NUDT19: variants seen among roughly 807,000 people sequenced by gnomAD.
NUDT19 encodes the protein acyl-coenzyme A diphosphatase NUDT19.
Under a neutral mutation model 22.2 loss-of-function variants are expected in NUDT19, and 31 were observed. That is an observed-to-expected ratio of 1.40 (90% CI 1.05 to 1.89). The LOEUF is 1.89. NUDT19 is among the 40% of genes most tolerant of loss of function. The pLI, the probability that NUDT19 is intolerant of heterozygous loss-of-function variation, is 0.00. For synonymous variants in NUDT19, 325 were observed against 230.8 expected, an observed-to-expected ratio of 1.41 and a Z score of -3.70; for missense variants, 752 against 514.2, an observed-to-expected ratio of 1.46 and a Z score of -4.47.
intron 1 of NUDT19, among the ~76,000 whole-genome samples, chr19:32,703,710 T>TGGAGTG (rs1968359031): frequency 7.8e-6 from 1 of 127,480 alleles, no homozygotes; most frequent in South Asian, 2.7e-4. Context: ...TCACCCAGGC[T>TGGAGTG]GGAGTGCAGT....
intron 1 of NUDT19, among the ~76,000 whole-genome samples, chr19:32,693,298 G>T (rs748279073): frequency 1.3e-5 from 2 of 152,158 alleles, no homozygotes; most frequent in South Asian, 2.1e-4. Flanking sequence ...GATTGAAGCC[G>T]CAGACCTTCG....
chr19:32,709,077 G>A (rs2082617894), intron 1 of NUDT19, 108 bp from the exon 2 acceptor site: 1 of 773,110 alleles, frequency 1.3e-6, no homozygotes, highest in African/African-American at 1.7e-5. Context: ...GCGCATTAAT[G>A]AATTCATTTT....
Position 32,692,134 on chromosome 19 carries a change from C to T in NUDT19, c.174C>T (p.Gly58=). The change falls in exon 1 of 3, where the codon GGC becomes GGT. Residue 58 remains glycine, a synonymous_variant. Transcript: ENST00000397061. ...CCCCGCACCAAGGCTTCATGCCGGG[C>T]GCGCACGTCTTCTCCGGCGGAGTGC... ...QRSPHQGFMP[G]AHVFSGGVLD... is the part of the protein sequence containing the mutation. 1.4e-6 allele frequency: 2 copies of T among 1,479,378 alleles called. No individual in the cohort carries two copies. The highest frequency in any genetic ancestry group is 1.8e-6 in the Non-Finnish European group (2 of 1,124,220). 91.6% of individuals were successfully genotyped at this position (1,479,378 alleles called of 1,614,324 possible).
intron 1 of NUDT19, among the ~76,000 whole-genome samples, chr19:32,704,667 T>C (rs1166719055): frequency 6.6e-6 from 1 of 152,232 alleles, no homozygotes; most frequent in Non-Finnish European, 1.5e-5. Flanking sequence ...CTTGCTATAA[T>C]TTCTGGGTCT....
intron 1 of NUDT19, among the ~76,000 whole-genome samples, chr19:32,693,501 C>T (rs1186598515): frequency 6.6e-6 from 1 of 152,184 alleles, no homozygotes; most frequent in East Asian, 1.9e-4. Context: ...ACAAACCTCC[C>T]ACAGCGGAAG....
intron 1 of NUDT19, among the ~76,000 whole-genome samples, chr19:32,708,685 A>C (rs1968413918): frequency 6.6e-6 from 1 of 152,144 alleles, no homozygotes; most frequent in Admixed American, 6.6e-5. Context: ...ACCATGTGGC[A>C]CACATCACCA....
At position 32,712,192 on chromosome 19, in the gene NUDT19, A is replaced by G. The variant is rs574585979; in HGVS notation, c.*235A>G. On this transcript the variant is annotated 3_prime_UTR_variant, in exon 3 of 3. Coordinates refer to ENST00000397061, the MANE Select transcript of NUDT19 (RefSeq NM_001105570.2). The stretch of plus-strand genomic sequence containing the variant: ...GGGGTTCATGCCATTCTCCTGCCTC[A>G]GCCTCCCGAGTAGCTGGGACTACAG... The G allele has an allele frequency of 2.3e-5, 9 of 385,482 alleles. 1 individual carries two copies. The highest frequency in any genetic ancestry group is 1.5e-4 in the African/African-American group (7 of 48,018). 23.9% of individuals were successfully genotyped at this position (385,482 alleles called of 1,614,324 possible). A position where few individuals can be genotyped will look rare whatever the true frequency, so the allele number is the denominator to read the frequency against.
chr19:32,707,499 G>A (rs569123665), intron 1 of NUDT19, among the ~76,000 whole-genome samples: 3 of 152,292 alleles, frequency 2.0e-5, no homozygotes, highest in East Asian at 3.9e-4. Context: ...GCTTGGGGGC[G>A]AGAATCAGTT....
intron 1 of NUDT19, among the ~76,000 whole-genome samples, chr19:32,705,106 C>CAAAAAAA (rs34871387): frequency 3.7e-5 from 2 of 54,192 alleles, no homozygotes; most frequent in African/African-American, 7.0e-5. Flanking sequence ...GACTTCATCT[C>CAAAAAAA]AAAAAAAAAA....
chr19:32,703,139 T>C (rs1968352576), intron 1 of NUDT19, among the ~76,000 whole-genome samples: 1 of 152,028 alleles, frequency 6.6e-6, no homozygotes, highest in Non-Finnish European at 1.5e-5. Context: ...GTAGCTGGGA[T>C]TGTAGGCATA....
At chr19:32,705,339 G>A (rs776208588) in intron 1 of NUDT19, among the ~76,000 whole-genome samples, 6 of 150,736 alleles carry the variant, frequency 4.0e-5, no homozygotes, top group East Asian at 2.0e-4. Context: ...CAGGAGAATC[G>A]CTTGAACCCA....
chr19:32,697,397 G>A (rs918289434), intron 1 of NUDT19, among the ~76,000 whole-genome samples: 1 of 152,196 alleles, frequency 6.6e-6, no homozygotes, highest in South Asian at 2.1e-4. Context: ...TGACAGGGGA[G>A]TGTATTTTCT....
At chr19:32,704,877 C>T (rs142090952) in intron 1 of NUDT19, among the ~76,000 whole-genome samples, 246 of 151,418 alleles carry the variant, frequency 1.6e-3, no homozygotes, top group African/African-American at 5.6e-3. Flanking sequence ...GAGGCCAAGG[C>T]GGGTAGATCA....
intron 1 of NUDT19, among the ~76,000 whole-genome samples, chr19:32,702,279 C>T (rs189458492): frequency 1.1e-3 from 160 of 152,290 alleles, no homozygotes; most frequent in African/African-American, 3.6e-3. Flanking sequence ...TAAGCACCTG[C>T]GGTAGATCCA....
intron 1 of NUDT19, among the ~76,000 whole-genome samples, chr19:32,698,368 G>A (rs1032055559): frequency 2.0e-5 from 3 of 152,140 alleles, no homozygotes; most frequent in African/African-American, 4.8e-5. Flanking sequence ...CATTTCAAGG[G>A]TGAGCCTGTT....
At position 32,711,805 on chromosome 19, in the gene NUDT19, G is replaced by T. The variant is rs1968450236; in HGVS notation, c.976G>T (p.Glu326Ter). 1 of 1,613,558 alleles carries T rather than the reference G, an allele frequency of 6.2e-7. No homozygotes were observed. The stretch of plus-strand genomic sequence containing the variant: ...CTTTTTGGAAAATCTTATGTCTACT[G>T]AAAAAAAGACTGAGGAAATCATGAA... Reference protein sequence around the residue: ...SDFLENLMSTEKKTEEIMKEG... With the variant: ...SDFLENLMST Residue 326 changes from glutamate (E) to a stop codon, truncating the protein, a stop_gained, in exon 3 of 3, where the codon GAA becomes TAA. Coordinates refer to ENST00000397061, the MANE Select transcript of NUDT19 (RefSeq NM_001105570.2). LOFTEE classifies it low-confidence loss of function (END_TRUNC).
At chr19:32,710,190 T>G (rs12986412) in intron 2 of NUDT19, among the ~76,000 whole-genome samples, 51,786 of 150,644 alleles carry the variant, frequency 0.34, 8,897 homozygotes, top group Middle Eastern at 0.4. Context: ...TTTTTTGTAT[T>G]ATTAGTAGAG....
chr19:32,699,643 A>G (rs1472182341), intron 1 of NUDT19, among the ~76,000 whole-genome samples: 1 of 152,208 alleles, frequency 6.6e-6, no homozygotes, highest in African/African-American at 2.4e-5. Context: ...CTAAGGAAAA[A>G]TAGGACAGAA....
At chr19:32,702,830 C>A (rs540146480) in intron 1 of NUDT19, among the ~76,000 whole-genome samples, 1 of 152,096 alleles carries the variant, frequency 6.6e-6, no homozygotes, top group East Asian at 1.9e-4. Flanking sequence ...TTAACTATGT[C>A]TCTTTGTAGT....
Sources: gnomAD v4.1 joint callset for allele counts (sites outside exome capture counted in the v4.1 genomes callset) on GRCh38, gnomAD v4.1.1 for gene constraint, MANE v1.5 for transcripts, NCBI Gene and HGNC (gene_info 2026-07-23, HGNC 2026-07-21) for gene names.